SGCD: variants seen among roughly 807,000 people sequenced by gnomAD.
SGCD encodes sarcoglycan delta.
SGCD carries 18 observed loss-of-function variants against 36.6 expected under a neutral mutation model. The observed-to-expected ratio is 0.49, with a 90% confidence interval of 0.34 to 0.73. The LOEUF is 0.73. Among genes scored for constraint, SGCD ranks in the 30% least tolerant of loss-of-function variants. The pLI is 0.01. For missense variants in SGCD, 387 were observed against 346.7 expected (o/e 1.12, Z -0.92); for synonymous variants, 133 against 130.6 (o/e 1.02, Z -0.12).
intron 6 of SGCD, among the ~76,000 whole-genome samples, chr5:156,625,106 A>C (rs1378879908): frequency 6.6e-6 from 1 of 152,206 alleles, no homozygotes; most frequent in East Asian, 1.9e-4. Flanking sequence ...TCTCAGTAAT[A>C]GCAGTTAGGC....
chr5:156,195,894 T>C (rs1028116959), intron 3 of SGCD, among the ~76,000 whole-genome samples: 2 of 152,198 alleles, frequency 1.3e-5, no homozygotes, highest in Non-Finnish European at 2.9e-5. Flanking sequence ...TTGATTCCCG[T>C]ATCTATTGGT....
chr5:156,071,830 A>G (rs1160165465), intron 1 of SGCD, among the ~76,000 whole-genome samples: 1 of 152,128 alleles, frequency 6.6e-6, no homozygotes, highest in Admixed American at 6.5e-5. Flanking sequence ...TTGGGTGCAT[A>G]TATATTTAGA....
At chr5:155,840,704 A>C in the SGCD span, among the ~76,000 whole-genome samples, 1 of 151,574 alleles carries the variant, frequency 6.6e-6, no homozygotes, top group East Asian at 2.0e-4. Flanking sequence ...CTTTTATTGA[A>C]GAATGGTATT....
chr5:156,465,286 G>T (rs1754672897), intron 3 of SGCD, among the ~76,000 whole-genome samples: 1 of 152,196 alleles, frequency 6.6e-6, no homozygotes, highest in Non-Finnish European at 1.5e-5. Context: ...TGAAAATACA[G>T]ATTAAAATTC....
intron 3 of SGCD, among the ~76,000 whole-genome samples, chr5:156,409,557 C>T (rs970079786): frequency 5.3e-5 from 8 of 152,178 alleles, no homozygotes; most frequent in Admixed American, 6.5e-5. Context: ...GTTTCCTTCC[C>T]TTCTCTCGTT....
chr5:156,044,231 G>A (rs1231799590), intron 1 of SGCD, among the ~76,000 whole-genome samples: 2 of 152,140 alleles, frequency 1.3e-5, no homozygotes, highest in Non-Finnish European at 2.9e-5. Flanking sequence ...GGAGTGAAAT[G>A]TTCAAGCCTA....
intron 6 of SGCD, among the ~76,000 whole-genome samples, chr5:156,613,862 C>G (rs1033870004): frequency 5.3e-5 from 8 of 152,190 alleles, no homozygotes; most frequent in African/African-American, 1.9e-4. Flanking sequence ...AGTGCTTACT[C>G]TCTGTAAGGG....
intron 6 of SGCD, among the ~76,000 whole-genome samples, chr5:156,645,939 T>C (rs977613300): frequency 6.6e-6 from 1 of 152,146 alleles, no homozygotes; most frequent in Non-Finnish European, 1.5e-5. Context: ...GTGCCAGAGA[T>C]CTCATTCAGC....
At chr5:156,527,944 C>G (rs1171404325) in intron 4 of SGCD, among the ~76,000 whole-genome samples, 1 of 152,182 alleles carries the variant, frequency 6.6e-6, no homozygotes, top group African/African-American at 2.4e-5. Context: ...GAAGACCTTC[C>G]CTGACTGCCT....
At chr5:155,794,147 T>G in the SGCD span, among the ~76,000 whole-genome samples, 1 of 152,148 alleles carries the variant, frequency 6.6e-6, no homozygotes, top group Admixed American at 6.5e-5. Flanking sequence ...GGAGGTGAAC[T>G]GAGCATTACT....
At chr5:156,251,262 T>C (rs1765570127) in intron 3 of SGCD, among the ~76,000 whole-genome samples, 1 of 152,162 alleles carries the variant, frequency 6.6e-6, no homozygotes, top group Admixed American at 6.5e-5. Context: ...TGGAAACATT[T>C]TGGTTGCAAA....
intron 1 of SGCD, among the ~76,000 whole-genome samples, chr5:156,115,542 A>T (rs978798697): frequency 1.3e-5 from 2 of 152,124 alleles, no homozygotes; most frequent in Admixed American, 6.6e-5. Context: ...CTTTATAAAT[A>T]TAAGAATGAT....
chr5:156,651,002 A>G (rs543250773), intron 7 of SGCD, among the ~76,000 whole-genome samples: 1 of 152,264 alleles, frequency 6.6e-6, no homozygotes, highest in South Asian at 2.1e-4. Flanking sequence ...TGACTTTTTA[A>G]TAATAGTCAT....
chr5:156,528,045 C>T (rs1561756749), intron 4 of SGCD, among the ~76,000 whole-genome samples: 1 of 152,060 alleles, frequency 6.6e-6, no homozygotes, highest in African/African-American at 2.4e-5. Flanking sequence ...TATATTTTTA[C>T]ATTTACCTGT....
intron 3 of SGCD, among the ~76,000 whole-genome samples, chr5:156,188,402 C>A (rs984157890): frequency 6.6e-6 from 1 of 152,090 alleles, no homozygotes; most frequent in Non-Finnish European, 1.5e-5. Context: ...AAGGTAGTGG[C>A]TAATACTCGA....
intron 6 of SGCD, among the ~76,000 whole-genome samples, chr5:156,605,507 A>G (rs147096560): frequency 5.1e-4 from 78 of 152,362 alleles, no homozygotes; most frequent in African/African-American, 1.7e-3. Context: ...TGCAATAAAA[A>G]TACGTCTGCA....
intron 3 of SGCD, among the ~76,000 whole-genome samples, chr5:156,249,787 A>G (rs1765531616): frequency 6.6e-6 from 1 of 152,132 alleles, no homozygotes; most frequent in Admixed American, 6.6e-5. Flanking sequence ...AACTGTATAT[A>G]TAATGTATAT....
At chr5:155,890,677 TAGAC>T (rs138886775) in intron 1 of SGCD, among the ~76,000 whole-genome samples, 1 of 150,566 alleles carries the variant, frequency 6.6e-6, no homozygotes, top group Non-Finnish European at 1.5e-5. Flanking sequence ...GATAGATAGA[TAGAC>T]AGATAGATAG....
At chr5:156,488,114 T>TG (rs1561729043) in intron 3 of SGCD, among the ~76,000 whole-genome samples, 3 of 145,406 alleles carry the variant, frequency 2.1e-5, no homozygotes, top group African/African-American at 5.0e-5. Context: ...TTTTTTTTTT[T>TG]TTTTTTTTTT....
Sources: allele counts gnomAD v4.1 joint callset (sites outside exome capture counted in the v4.1 genomes callset), GRCh38; gene constraint gnomAD v4.1.1; transcripts MANE v1.5; gene names NCBI Gene and HGNC (gene_info 2026-07-23, HGNC 2026-07-21).